Variants in GALNTL6 observed in about 807,000 individuals in gnomAD.
GALNTL6 encodes the protein polypeptide N-acetylgalactosaminyltransferase like 6, also known as polypeptide N-acetylgalactosaminyltransferase-like 6.
A neutral mutation model predicts 73.7 loss-of-function variants in GALNTL6; 46 were observed. The observed-to-expected ratio is 0.62, with a 90% CI of 0.49 to 0.80. The LOEUF is 0.80. Ranked by LOEUF, GALNTL6 falls within the 30% of genes least tolerant of loss-of-function variation. GALNTL6 has a pLI of 0.00. For missense variants in GALNTL6, 604 were observed against 755.0 expected, an observed-to-expected ratio of 0.80 and a Z score of 2.34; for synonymous variants, 259 against 263.7, an observed-to-expected ratio of 0.98 and a Z score of 0.17.
intron 7 of GALNTL6, among the ~76,000 whole-genome samples, chr4:172,845,164 G>C (rs1224524643): frequency 2.8e-5 from 4 of 144,862 alleles, no homozygotes; most frequent in Non-Finnish European, 4.5e-5. Flanking sequence ...GTTGCAGTGA[G>C]CCAAGATTGC....
intron 2 of GALNTL6, among the ~76,000 whole-genome samples, chr4:171,946,928 A>G (rs1013394079): frequency 6.6e-6 from 1 of 152,216 alleles, no homozygotes; most frequent in Admixed American, 6.6e-5. Flanking sequence ...GGGTACAAAT[A>G]AAAGCTTCTA....
At chr4:171,871,630 T>TAA (rs773560806) in intron 2 of GALNTL6, among the ~76,000 whole-genome samples, 5 of 152,150 alleles carry the variant, frequency 3.3e-5, no homozygotes, top group Non-Finnish European at 7.4e-5. Flanking sequence ...ATAATGAATG[T>TAA]AAGAAAGCAA....
At chr4:173,030,190 A>C (rs1335523768) in intron 12 of GALNTL6, among the ~76,000 whole-genome samples, 2 of 152,228 alleles carry the variant, frequency 1.3e-5, no homozygotes, top group African/African-American at 4.8e-5. Flanking sequence ...AGAAAATTTC[A>C]GTGCAAATTG....
rs146636100 is a variant in GALNTL6 at position 172,953,276 on chromosome 4, G to A, written c.1371+1018G>A. Reference sequence around the variant, plus strand: ...AATACTGTTGCTATAGCCTTTCTCCGTAGAATAGAGTGTGCTAAAGCAGGA... The same window carrying A: ...AATACTGTTGCTATAGCCTTTCTCCATAGAATAGAGTGTGCTAAAGCAGGA... On this transcript the variant is annotated intron_variant, in intron 10 of 12. Transcript: ENST00000506823. 3.8e-3 allele frequency among the ~76,000 whole-genome samples: 578 copies of A among 152,314 alleles called. 1 individual carries two copies. The highest frequency in any genetic ancestry group is 6.8e-3 in the Non-Finnish European group (460 of 68,022).
At chr4:171,995,134 G>A (rs1328996783) in intron 2 of GALNTL6, among the ~76,000 whole-genome samples, 1 of 151,832 alleles carries the variant, frequency 6.6e-6, no homozygotes, top group Non-Finnish European at 1.5e-5. Flanking sequence ...TATATATGCT[G>A]ATGGGATTGT....
intron 2 of GALNTL6, among the ~76,000 whole-genome samples, chr4:171,859,764 T>A (rs566937952): frequency 2.0e-4 from 31 of 152,220 alleles, no homozygotes; most frequent in African/African-American, 5.8e-4. Context: ...ATGTTTGAGG[T>A]CAGATAAGCA....
chr4:173,015,599 C>T (rs1300165101), intron 11 of GALNTL6, among the ~76,000 whole-genome samples: 1 of 152,104 alleles, frequency 6.6e-6, no homozygotes, highest in Non-Finnish European at 1.5e-5. Context: ...GCATTTTGCC[C>T]CTGCCCTAGA....
rs374279309 is a variant in GALNTL6, at chr4:172,456,831, A to G, written c.553+108142A>G. Reference sequence around the variant, plus strand: ...AACTTAGCAAGGCAGGCCAACATTCAAATTCAGGAAATACAGAGAACACCA... The same window carrying G: ...AACTTAGCAAGGCAGGCCAACATTCGAATTCAGGAAATACAGAGAACACCA... On this transcript the variant is annotated intron_variant, in intron 5 of 12. Coordinates refer to ENST00000506823, the MANE Select transcript of GALNTL6 (RefSeq NM_001034845.3). 2.4e-4 allele frequency among the ~76,000 whole-genome samples: 36 copies of G among 152,280 alleles called. 2 individuals are homozygous for G. In the East Asian group the frequency reaches 6.6e-3, roughly 28 times the overall value.
intron 12 of GALNTL6, among the ~76,000 whole-genome samples, chr4:173,033,915 C>T (rs986073442): frequency 6.6e-6 from 1 of 152,112 alleles, no homozygotes; most frequent in Non-Finnish European, 1.5e-5. Context: ...GAGGAGCTAC[C>T]CTGAGATCCA....
In GALNTL6 at chr4:171,923,600, G is replaced by T. The variant is rs535184832; in HGVS notation, c.138+108882G>T. 1.9e-3 allele frequency among the ~76,000 whole-genome samples: 285 copies of T among 150,426 alleles called. 1 individual carries two copies. Among genetic ancestry groups the T allele is most frequent in the Non-Finnish European group, 3.4e-3 (232 of 67,676 alleles). On this transcript the variant is annotated intron_variant, in intron 2 of 12. Transcript: ENST00000506823. ...TTTTTGTATTTTTAGTAGAGACAGGGTTTCACCGTGTTAGCCAGGATGGTC... is the reference window on the plus strand; with the variant it reads ...TTTTTGTATTTTTAGTAGAGACAGGTTTTCACCGTGTTAGCCAGGATGGTC...
intron 10 of GALNTL6, among the ~76,000 whole-genome samples, chr4:172,990,793 A>G (rs189687042): frequency 2.0e-5 from 3 of 152,354 alleles, no homozygotes; most frequent in Admixed American, 2.0e-4. Context: ...TAACATAACC[A>G]TTATTAATCA....
chr4:172,958,165 T>A (rs1749850931), intron 10 of GALNTL6, among the ~76,000 whole-genome samples: 1 of 152,128 alleles, frequency 6.6e-6, no homozygotes, highest in Non-Finnish European at 1.5e-5. Flanking sequence ...TTGGAAGTTA[T>A]GAGAACTGTA....
At chr4:172,789,009 A>T (rs1296982628) in intron 5 of GALNTL6, among the ~76,000 whole-genome samples, 9 of 152,204 alleles carry the variant, frequency 5.9e-5, no homozygotes, top group Admixed American at 5.9e-4. Context: ...AATCATCAAC[A>T]TAGAAGACAT....
At chr4:172,788,562 C>T (rs1163846083) in intron 5 of GALNTL6, among the ~76,000 whole-genome samples, 1 of 150,884 alleles carries the variant, frequency 6.6e-6, no homozygotes, top group Non-Finnish European at 1.5e-5. Flanking sequence ...GTCCCAGCTA[C>T]TCGGGAGGCT....
At chr4:171,872,047 T>C (rs1050505465) in intron 2 of GALNTL6, among the ~76,000 whole-genome samples, 3 of 147,888 alleles carry the variant, frequency 2.0e-5, no homozygotes, top group African/African-American at 7.8e-5. Flanking sequence ...AGGTGTTTTC[T>C]TAAGTATGTT....
intron 2 of GALNTL6, among the ~76,000 whole-genome samples, chr4:172,143,489 T>A (rs1203814808): frequency 6.6e-6 from 1 of 152,040 alleles, no homozygotes; most frequent in African/African-American, 2.4e-5. Flanking sequence ...GGTTTGAGGA[T>A]TTTTGTTTTG....
chr4:172,289,653 A>G (rs879763795), intron 3 of GALNTL6, among the ~76,000 whole-genome samples: 13 of 152,328 alleles, frequency 8.5e-5, no homozygotes, highest in Non-Finnish European at 1.8e-4. Flanking sequence ...AGCTGGCACA[A>G]TCCTGGCAAG....
intron 8 of GALNTL6, among the ~76,000 whole-genome samples, chr4:172,913,139 C>T (rs1182188980): frequency 6.6e-6 from 1 of 152,164 alleles, no homozygotes; most frequent in South Asian, 2.1e-4. Flanking sequence ...TCCAACAGAT[C>T]TGCAGCTAAG....
chr4:172,360,778 T>C (rs1287610168), intron 5 of GALNTL6, among the ~76,000 whole-genome samples: 1 of 152,168 alleles, frequency 6.6e-6, no homozygotes, highest in Non-Finnish European at 1.5e-5. Flanking sequence ...ATGTAAGGTA[T>C]TATTAGTATG....
Sources: allele counts gnomAD v4.1 joint callset (sites outside exome capture counted in the v4.1 genomes callset), GRCh38; gene constraint gnomAD v4.1.1; transcripts MANE v1.5; gene names NCBI Gene and HGNC (gene_info 2026-07-23, HGNC 2026-07-21).